PRKAR2B: variants seen among roughly 807,000 people sequenced by gnomAD.
PRKAR2B encodes cAMP-dependent protein kinase type II-beta regulatory subunit.
PRKAR2B carries 14 observed loss-of-function variants against 49.9 expected under a neutral mutation model. The ratio of observed to expected loss-of-function variants is 0.28; its 90% CI spans 0.19 to 0.44. The LOEUF is 0.44. Ranked by LOEUF, PRKAR2B falls within the 20% of genes least tolerant of loss-of-function variation. PRKAR2B has a pLI of 1.00. For synonymous variants in PRKAR2B, 196 were observed against 197.7 expected (o/e 0.99, Z 0.07); for missense variants, 393 against 537.9 (o/e 0.73, Z 2.67).
rs1793668252 is a variant in PRKAR2B at position 107,045,302 on chromosome 7, G to T, written c.307+88G>T. On this transcript the variant is annotated intron_variant, in intron 1 of 10. Coordinates refer to ENST00000265717, the MANE Select transcript of PRKAR2B (RefSeq NM_002736.3). The stretch of plus-strand genomic sequence containing the variant: ...CTGTGCTCTCGGATCTTGCCGCTTT[G>T]CGCACCCACCTCTCCCCGCATTCTC... The T allele has an allele frequency of 1.6e-5, 18 of 1,156,840 alleles. No individual in the cohort carries two copies. The South Asian group carries it at 2.8e-4, about 18-fold the overall frequency. The allele number at this position is 1,156,840 out of a possible 1,614,324, so 71.7% of individuals were successfully genotyped here. A position where few individuals can be genotyped will look rare whatever the true frequency, so the allele number is the denominator to read the frequency against.
intron 2 of PRKAR2B, among the ~76,000 whole-genome samples, chr7:107,087,614 G>T (rs1794646479): frequency 6.6e-6 from 1 of 152,132 alleles, no homozygotes; most frequent in Admixed American, 6.6e-5. Context: ...CTTACACAGT[G>T]ACTGATGGGC....
intron 2 of PRKAR2B, among the ~76,000 whole-genome samples, chr7:107,105,879 G>A (rs759108002): frequency 1.3e-5 from 2 of 152,170 alleles, no homozygotes; most frequent in Admixed American, 6.5e-5. Context: ...AGTTGTGAAC[G>A]ATTGTACTTT....
intron 2 of PRKAR2B, among the ~76,000 whole-genome samples, chr7:107,119,456 T>C (rs1298954931): frequency 6.6e-6 from 1 of 152,212 alleles, no homozygotes; most frequent in Non-Finnish European, 1.5e-5. Context: ...GTTTTGTTTT[T>C]GCACTGGGCC....
chr7:107,146,717 C>T (rs1795900750), intron 6 of PRKAR2B, among the ~76,000 whole-genome samples: 1 of 152,196 alleles, frequency 6.6e-6, no homozygotes, highest in Non-Finnish European at 1.5e-5. Context: ...ATTCAGAATG[C>T]TCCTGTCTTA....
intron 5 of PRKAR2B, among the ~76,000 whole-genome samples, chr7:107,145,733 A>ATT (rs916332834): frequency 0.014 from 1,310 of 93,152 alleles, 25 homozygotes; most frequent in African/African-American, 0.034. Context: ...TCTTCAGATG[A>ATT]TTTTTTTTTT....
intron 8 of PRKAR2B, among the ~76,000 whole-genome samples, chr7:107,155,601 T>G (rs1422114854): frequency 6.6e-6 from 1 of 152,146 alleles, no homozygotes; most frequent in Non-Finnish European, 1.5e-5. Flanking sequence ...TGGTTTTGAT[T>G]TGCATTTCTC....
chr7:107,085,542 A>G (rs570570622), intron 2 of PRKAR2B, among the ~76,000 whole-genome samples: 2 of 152,336 alleles, frequency 1.3e-5, no homozygotes, highest in Admixed American at 6.5e-5. Flanking sequence ...TAAAATGAAA[A>G]CAAAGGGTTG....
chr7:107,142,546 C>T (rs1410837707), intron 5 of PRKAR2B, among the ~76,000 whole-genome samples: 1 of 152,042 alleles, frequency 6.6e-6, no homozygotes, highest in African/African-American at 2.4e-5. Context: ...ATAGTGTATT[C>T]CCTTTTCAGT....
intron 10 of PRKAR2B, among the ~76,000 whole-genome samples, chr7:107,157,836 CA>C (rs1213020500): frequency 3.3e-5 from 5 of 152,144 alleles, no homozygotes; most frequent in Admixed American, 1.3e-4. Flanking sequence ...ATGTCATCTT[CA>C]GGTGCAGGCA....
intron 1 of PRKAR2B, among the ~76,000 whole-genome samples, chr7:107,050,902 C>A (rs1239864903): frequency 6.6e-6 from 1 of 152,136 alleles, no homozygotes. Flanking sequence ...TCCTTTCTTG[C>A]CCAGGCTGGT....
In PRKAR2B at chr7:107,092,850, C is replaced by A. The variant is rs1171392951; in HGVS notation, c.343+22534C>A. ...ACTGTTTAATCTTCACAAACTGAAA[C>A]TCCGTACCTGTTAAATACTTAACTC... is the stretch of plus-strand genomic sequence containing the variant. On this transcript the variant is annotated intron_variant, in intron 2 of 10. Coordinates refer to ENST00000265717, the MANE Select transcript of PRKAR2B (RefSeq NM_002736.3). 2.6e-5 allele frequency among the ~76,000 whole-genome samples: 4 copies of A among 152,164 alleles called. No homozygotes were observed. The East Asian group carries it at 7.7e-4, about 29-fold the overall frequency.
rs1378451532 is a variant in PRKAR2B at position 107,150,948 on chromosome 7, T to A, written c.768T>A (p.Ile256=). Residue 256 remains isoleucine, a synonymous_variant, in exon 7 of 11, where the codon ATT becomes ATA. Coordinates refer to ENST00000265717, the MANE Select transcript of PRKAR2B (RefSeq NM_002736.3). ...ACAGGGTAACCTTCAGGAGAATAAT[T>A]GTGAAAAACAATGCCAAAAAGAGAA... ...GLDRVTFRRI[I]VKNNAKKRKM... is the part of the protein sequence containing the mutation. 2 of 1,599,884 alleles carry A rather than the reference T, an allele frequency of 1.3e-6. No individual in the cohort carries two copies. Among genetic ancestry groups the A allele is most frequent in the Non-Finnish European group, 1.7e-6 (2 of 1,174,134 alleles).
intron 2 of PRKAR2B, among the ~76,000 whole-genome samples, chr7:107,109,313 G>T (rs898706947): frequency 4.6e-5 from 7 of 152,064 alleles, no homozygotes; most frequent in African/African-American, 1.7e-4. Flanking sequence ...AGGCTGGTGT[G>T]CAGTGACATG....
intron 4 of PRKAR2B, among the ~76,000 whole-genome samples, chr7:107,137,604 T>TTTTA (rs1795721064): frequency 6.6e-6 from 1 of 152,216 alleles, no homozygotes; most frequent in African/African-American, 2.4e-5. Context: ...ATATCTAAAA[T>TTTTA]TTTATTAAAT....
At chr7:107,114,981 A>G (rs532077862) in intron 2 of PRKAR2B, among the ~76,000 whole-genome samples, 12 of 152,202 alleles carry the variant, frequency 7.9e-5, no homozygotes, top group Non-Finnish European at 1.6e-4. Flanking sequence ...GAATCATGGC[A>G]ATTTAGTCAA....
At chr7:107,109,426 ATT>A (rs35160187) in intron 2 of PRKAR2B, among the ~76,000 whole-genome samples, 18,465 of 139,836 alleles carry the variant, frequency 0.13, 1,393 homozygotes, top group African/African-American at 0.22. Flanking sequence ...CACTCAGCTA[ATT>A]TTTTTTTTTT....
At chr7:107,133,087 T>C (rs370594142) in intron 4 of PRKAR2B, among the ~76,000 whole-genome samples, 1 of 152,208 alleles carries the variant, frequency 6.6e-6, no homozygotes, top group East Asian at 1.9e-4. Flanking sequence ...CAGTCTTGAA[T>C]TGGCATTCTG....
At chr7:107,098,321 T>C (rs1311945309) in intron 2 of PRKAR2B, among the ~76,000 whole-genome samples, 1 of 152,228 alleles carries the variant, frequency 6.6e-6, no homozygotes, top group Non-Finnish European at 1.5e-5. Flanking sequence ...ATCTTGTGCA[T>C]GCATCACGTA....
chr7:107,122,706 AG>A (rs1795410106), intron 3 of PRKAR2B, among the ~76,000 whole-genome samples: 1 of 152,090 alleles, frequency 6.6e-6, no homozygotes, highest in Admixed American at 6.6e-5. Flanking sequence ...TTATTTTTGT[AG>A]CTCTGAAAAG....
Sources: allele counts gnomAD v4.1 joint callset (sites outside exome capture counted in the v4.1 genomes callset), GRCh38; gene constraint gnomAD v4.1.1; transcripts MANE v1.5; gene names NCBI Gene and HGNC (gene_info 2026-07-23, HGNC 2026-07-21).